Variants in SOBP observed in about 807,000 individuals in gnomAD.
SOBP encodes sine oculis binding protein homolog, also known as sine oculis-binding protein homolog.
SOBP carries 4 observed loss-of-function variants against 53.6 expected under a neutral mutation model. The observed-to-expected ratio is 0.07, with a 90% CI of 0.04 to 0.17. The LOEUF (loss-of-function observed/expected upper bound fraction) is 0.17. SOBP is among the 10% of genes least tolerant of loss of function. The pLI, the probability that SOBP is intolerant of heterozygous loss-of-function variation, is 1.00. For missense variants in SOBP, 1,088 were observed against 1,204.7 expected, an observed-to-expected ratio of 0.90 and a Z score of 1.43; for synonymous variants, 584 against 522.6, an observed-to-expected ratio of 1.12 and a Z score of -1.60.
In SOBP at chr6:107,591,298, A is replaced by G. The variant is rs569988321; in HGVS notation, c.669+4123A>G. The stretch of plus-strand genomic sequence containing the variant: ...GACATATTTAAAGAGCCAGGCACAT[A>G]GTAAGTGCTCAGTATATATTAGCTG... On this transcript the variant is annotated intron_variant, in intron 5 of 6. Coordinates refer to ENST00000317357, the MANE Select transcript of SOBP (RefSeq NM_018013.4). Among the ~76,000 whole-genome samples, 4 of 152,346 alleles carry G rather than the reference A, an allele frequency of 2.6e-5. No homozygotes were observed. The South Asian group carries it at 8.3e-4, about 32-fold the overall frequency.
Position 107,622,205 on chromosome 6 carries a change from C to T in SOBP, c.670-11309C>T, listed in dbSNP as rs148051853. Among the ~76,000 whole-genome samples the T allele has an allele frequency of 3.0e-3, 462 of 152,264 alleles. 4 individuals carry two copies. The highest frequency in any genetic ancestry group is 0.01 in the African/African-American group (430 of 41,536). On this transcript the variant is annotated intron_variant, in intron 5 of 6. Coordinates refer to ENST00000317357, the MANE Select transcript of SOBP (RefSeq NM_018013.4). ...CCTCCCAGCAGCTCTTGAAGGTAGA[C>T]GGGGTGCCAGAGGGCACAGGAGCAG...
chr6:107,634,751 C>T lies in SOBP; in HGVS notation c.1907C>T (p.Ala636Val). ...GGCAGCCCCCCGGGCCCCCCGGGCGCGGGCGGCCAGCTCGGCTTCCCAGGC... is the reference window on the plus strand; with the variant it reads ...GGCAGCCCCCCGGGCCCCCCGGGCGTGGGCGGCCAGCTCGGCTTCCCAGGC... ...RAGSPPGPPG[A>V]GGQLGFPGVL... The change falls in exon 6 of 7, where the codon GCG (alanine) becomes GTG (valine). Residue 636 changes from alanine (A) to valine (V), a missense_variant. Around this residue, in one of 6 missense-constraint regions of SOBP, gnomAD observed 665 missense variants for 629.7 expected, o/e 1.06. Coordinates refer to ENST00000317357, the MANE Select transcript of SOBP (RefSeq NM_018013.4). This position sits in a 1 kb window ranked among gnomAD's most constrained non-coding sequence, Gnocchi z 4.5. 7.5e-7 allele frequency: 1 copy of T among 1,334,534 alleles called. No individual in the cohort carries two copies. The highest frequency in any genetic ancestry group is 9.5e-7 in the Non-Finnish European group (1 of 1,050,252). 82.7% of individuals were successfully genotyped at this position (1,334,534 alleles called of 1,614,324 possible). A position where few individuals can be genotyped will look rare whatever the true frequency, so the allele number is the denominator to read the frequency against.
At chr6:107,610,800 AC>A (rs1786565634) in intron 5 of SOBP, among the ~76,000 whole-genome samples, 2 of 96,936 alleles carry the variant, frequency 2.1e-5, no homozygotes, top group South Asian at 3.0e-4. Context: ...GCACACGCAC[AC>A]ACACACACAC....
chr6:107,581,934 T>C (rs1484833410), intron 4 of SOBP, among the ~76,000 whole-genome samples: 1 of 152,230 alleles, frequency 6.6e-6, no homozygotes, highest in Non-Finnish European at 1.5e-5. Context: ...GTGCTGCCTC[T>C]GCTGCAGCAT....
intron 5 of SOBP, among the ~76,000 whole-genome samples, chr6:107,609,727 A>G (rs1217661493): frequency 6.6e-6 from 1 of 152,058 alleles, no homozygotes; most frequent in Non-Finnish European, 1.5e-5. Context: ...AAATATTAGG[A>G]AGAGGAGAGA....
intron 5 of SOBP, among the ~76,000 whole-genome samples, chr6:107,591,875 T>C (rs1270215428): frequency 6.6e-6 from 1 of 152,066 alleles, no homozygotes; most frequent in Non-Finnish European, 1.5e-5. Context: ...CTAATCATGC[T>C]TCATTTTCCT....
chr6:107,566,626 G>A (rs1000019237), intron 4 of SOBP, among the ~76,000 whole-genome samples: 7 of 152,138 alleles, frequency 4.6e-5, no homozygotes, highest in Admixed American at 2.6e-4. Context: ...TCTCGCCATC[G>A]ACCAGACCAG....
intron 4 of SOBP, among the ~76,000 whole-genome samples, chr6:107,581,279 A>G (rs1785393669): frequency 6.6e-6 from 1 of 152,218 alleles, no homozygotes; most frequent in African/African-American, 2.4e-5. Context: ...GTCTGAACGA[A>G]GGCTTAAAGG....
intron 5 of SOBP, chr6:107,621,255 G>T: frequency 1.6e-5 from 4 of 251,484 alleles, no homozygotes; most frequent in Non-Finnish European, 2.5e-5. Flanking sequence ...ATTTGGCCTG[G>T]ATGAGGAGAT....
chr6:107,498,465 A>G (rs1156984074), intron 1 of SOBP, among the ~76,000 whole-genome samples: 1 of 152,214 alleles, frequency 6.6e-6, no homozygotes, highest in Non-Finnish European at 1.5e-5. Context: ...CTTGTGTTTC[A>G]GAGGTATTTT....
At chr6:107,636,749 G>A (rs903838052) in intron 6 of SOBP, among the ~76,000 whole-genome samples, 3 of 152,176 alleles carry the variant, frequency 2.0e-5, no homozygotes, top group South Asian at 2.1e-4. Flanking sequence ...GGAAGGAAGC[G>A]GGGGCCAGGA....
chr6:107,656,312 A>AC (rs1562130976), intron 6 of SOBP, among the ~76,000 whole-genome samples: 240 of 15,918 alleles, frequency 0.015, no homozygotes, highest in South Asian at 0.088. Flanking sequence ...AGAAAGAAAG[A>AC]AAGAAAGAAA....
At chr6:107,499,902 CTG>C (rs1466685896) in intron 1 of SOBP, among the ~76,000 whole-genome samples, 2 of 152,094 alleles carry the variant, frequency 1.3e-5, no homozygotes, top group African/African-American at 4.8e-5. Context: ...ATTACCTTTA[CTG>C]TTTTTCACAT....
Position 107,490,621 on chromosome 6 carries a change from C to T in SOBP, c.5C>T (p.Ala2Val). ...ACAGAAACCAGACACAAAAACATGG[C>T]AGAAATGGAGAAAGAAGGGAGACCT... M[A>V]EMEKEGRPPE... The change falls in exon 1 of 7, where the codon GCA (alanine) becomes GTA (valine). Residue 2 changes from alanine (A) to valine (V), a missense_variant. By Grantham distance (64) the Ala-to-Val change is moderately conservative (BLOSUM62 0). This residue lies in a region of SOBP where 37 missense variants were observed against 37.8 expected (regional missense o/e 0.98). Coordinates refer to ENST00000317357, the MANE Select transcript of SOBP (RefSeq NM_018013.4). 1 of 1,602,696 alleles carries T rather than the reference C, an allele frequency of 6.2e-7. No homozygotes were observed. Among genetic ancestry groups the T allele is most frequent in the Non-Finnish European group, 8.5e-7 (1 of 1,173,940 alleles).
intron 5 of SOBP, among the ~76,000 whole-genome samples, chr6:107,624,106 A>T (rs1384786272): frequency 6.6e-6 from 1 of 152,266 alleles, no homozygotes; most frequent in East Asian, 1.9e-4. Context: ...GCACAGAGGA[A>T]AGAATAAAAA....
At chr6:107,648,333 TTCCAC>T (rs1771646103) in intron 6 of SOBP, among the ~76,000 whole-genome samples, 1 of 152,096 alleles carries the variant, frequency 6.6e-6, no homozygotes, top group Non-Finnish European at 1.5e-5. Context: ...ACCCTGTCCT[TTCCAC>T]TGACCCCTTG....
Position 107,635,169 on chromosome 6 carries a change from C to G in SOBP, c.2325C>G (p.Asn775Lys), listed in dbSNP as rs1291344847. ...VSELESVKENNCASNCHLDGE... is the reference protein window; with the variant it reads ...VSELESVKENKCASNCHLDGE... ...AGCTAGAGTCGGTCAAGGAGAATAA[C>G]TGTGCTTCCAACTGCCACCTGGACG... is the stretch of plus-strand genomic sequence containing the variant. The change falls in exon 6 of 7, where the codon AAC becomes AAG. Residue 775 changes from asparagine to lysine, a missense_variant. Around this residue, in one of 6 missense-constraint regions of SOBP, gnomAD observed 665 missense variants for 629.7 expected, o/e 1.06. Transcript: ENST00000317357. The surrounding 1 kb of genome is among the most constrained non-coding windows in gnomAD (Gnocchi z 4.5). 11 of 1,613,700 alleles carry G rather than the reference C, an allele frequency of 6.8e-6. No individual in the cohort carries two copies. Among genetic ancestry groups the G allele is most frequent in the Admixed American group, 1.7e-5 (1 of 60,024 alleles).
chr6:107,574,986 G>A (rs1487575382), intron 4 of SOBP, among the ~76,000 whole-genome samples: 3 of 152,204 alleles, frequency 2.0e-5, no homozygotes, highest in East Asian at 3.8e-4. Context: ...CTGCCTTCTA[G>A]TAATCCCTGC....
intron 4 of SOBP, among the ~76,000 whole-genome samples, chr6:107,575,080 T>A (rs1785187527): frequency 6.6e-6 from 1 of 152,188 alleles, no homozygotes; most frequent in Non-Finnish European, 1.5e-5. Flanking sequence ...GGGGTTGAGA[T>A]CTGCACCTGG....
Sources: allele counts gnomAD v4.1 joint callset (sites outside exome capture counted in the v4.1 genomes callset), GRCh38; gene constraint gnomAD v4.1.1; regional missense constraint gnomAD v4.1.1; non-coding constraint Gnocchi (gnomAD v3.1); transcripts MANE v1.5; gene names NCBI Gene and HGNC (gene_info 2026-07-23, HGNC 2026-07-21).